NFATC3: variants seen among roughly 807,000 people sequenced by gnomAD.
NFATC3 encodes nuclear factor of activated T-cells, cytoplasmic 3.
Under a neutral mutation model 98.6 loss-of-function variants are expected in NFATC3, and 46 were observed. The ratio of observed to expected loss-of-function variants is 0.47; its 90% CI spans 0.37 to 0.60. The LOEUF is 0.60. Ranked by LOEUF, NFATC3 falls within the 20% of genes least tolerant of loss-of-function variation. The probability of loss-of-function intolerance (pLI) is 0.00; values close to 1 mark genes in which losing one functional copy is unlikely to be tolerated. For synonymous variants in NFATC3, 512 were observed against 472.2 expected, an observed-to-expected ratio of 1.08 and a Z score of -1.09; for missense variants, 1,256 against 1,295.5, an observed-to-expected ratio of 0.97 and a Z score of 0.47.
At chr16:68,204,764 TC>T (rs1283493203) in intron 9 of NFATC3, among the ~76,000 whole-genome samples, 1 of 152,220 alleles carries the variant, frequency 6.6e-6, no homozygotes, top group East Asian at 1.9e-4. Context: ...AAAATTGATA[TC>T]CTTTTTTTGA....
At chr16:68,171,919 G>A (rs963679225) in intron 5 of NFATC3, among the ~76,000 whole-genome samples, 1 of 152,072 alleles carries the variant, frequency 6.6e-6, no homozygotes, top group Non-Finnish European at 1.5e-5. Flanking sequence ...CTCCAGAGTA[G>A]CCAGGATTAC....
In NFATC3 at chr16:68,174,485, C is replaced by A; in HGVS notation, c.1886C>A (p.Ser629Tyr). 6.2e-7 allele frequency: 1 copy of A among 1,601,356 alleles called. No individual in the cohort carries two copies. The highest frequency in any genetic ancestry group is 8.5e-7 in the Non-Finnish European group (1 of 1,174,738). Reference protein sequence around the residue: ...VVTGSNFLPESKIIFLEKGQD... With the variant: ...VVTGSNFLPEYKIIFLEKGQD... The stretch of plus-strand genomic sequence containing the variant: ...ACTGGATCTAATTTTCTTCCAGAAT[C>A]CAAAATCATTTTTCTTGAAAAAGGA... Residue 629 changes from serine (S) to tyrosine (Y), a missense_variant, in exon 6 of 10, where the codon TCC becomes TAC. This residue lies in a region of NFATC3 where 636 missense variants were observed against 617.3 expected (regional missense o/e 1.03). Transcript: ENST00000346183.
At chr16:68,187,711 T>C (rs1194747051) in intron 8 of NFATC3, among the ~76,000 whole-genome samples, 2 of 152,078 alleles carry the variant, frequency 1.3e-5, no homozygotes, top group Non-Finnish European at 2.9e-5. Context: ...GTTTTCTCTT[T>C]TTGAGTATGG....
chr16:68,124,006 A>G (rs1432453571), intron 2 of NFATC3, among the ~76,000 whole-genome samples: 1 of 152,088 alleles, frequency 6.6e-6, no homozygotes, highest in Non-Finnish European at 1.5e-5. Context: ...AAAAAAAAAA[A>G]GAACCTATTA....
chr16:68,193,718 G>A (rs1447789761), intron 9 of NFATC3, among the ~76,000 whole-genome samples: 1 of 152,058 alleles, frequency 6.6e-6, no homozygotes, highest in Non-Finnish European at 1.5e-5. Context: ...TCACATTCGA[G>A]AATATTCTTT....
chr16:68,101,267 T>C (rs2035339931), intron 1 of NFATC3, among the ~76,000 whole-genome samples: 1 of 151,412 alleles, frequency 6.6e-6, no homozygotes, highest in Admixed American at 6.6e-5. Context: ...CCTGAGCCTC[T>C]GTAATAGCTG....
chr16:68,110,295 G>A (rs941740559), intron 1 of NFATC3, among the ~76,000 whole-genome samples: 9 of 150,874 alleles, frequency 6.0e-5, no homozygotes, highest in African/African-American at 1.7e-4. Flanking sequence ...GTGAGCCACC[G>A]TGCCTGGCCT....
chr16:68,090,434 T>C (rs972640112), intron 1 of NFATC3, among the ~76,000 whole-genome samples: 2 of 151,914 alleles, frequency 1.3e-5, no homozygotes, highest in Admixed American at 6.6e-5. Context: ...TAGTAGGGCA[T>C]TTACAAACAG....
chr16:68,209,072 A>G (rs997047016), intron 9 of NFATC3, among the ~76,000 whole-genome samples: 5 of 152,022 alleles, frequency 3.3e-5, no homozygotes, highest in Non-Finnish European at 7.4e-5. Flanking sequence ...TTTGTTTGTG[A>G]TCTTAGGGGG....
At chr16:68,094,083 C>T (rs944081443) in intron 1 of NFATC3, among the ~76,000 whole-genome samples, 6 of 152,138 alleles carry the variant, frequency 3.9e-5, no homozygotes, top group African/African-American at 2.4e-5. Context: ...ATCGCTATAT[C>T]GCTAACTGTG....
chr16:68,178,851 A>G (rs1311850254), intron 6 of NFATC3, among the ~76,000 whole-genome samples: 5 of 152,220 alleles, frequency 3.3e-5, no homozygotes, highest in Non-Finnish European at 7.3e-5. Context: ...ATCATGTTAA[A>G]TGGTGGCAGT....
chr16:68,213,304 A>G (rs1051416832), intron 9 of NFATC3, among the ~76,000 whole-genome samples: 1 of 151,336 alleles, frequency 6.6e-6, no homozygotes, highest in African/African-American at 2.4e-5. Context: ...GGTCCCAGGT[A>G]CTCAGGAGGC....
At chr16:68,173,082 C>A (rs930072843) in intron 5 of NFATC3, among the ~76,000 whole-genome samples, 1 of 151,496 alleles carries the variant, frequency 6.6e-6, no homozygotes, top group Middle Eastern at 3.4e-3. Flanking sequence ...CAAAGTGAGA[C>A]CCTATCTCTA....
intron 9 of NFATC3, chr16:68,214,269 A>C: frequency 7.7e-7 from 1 of 1,293,320 alleles, no homozygotes. Context: ...GCACTGTAGT[A>C]GATTAAGTTC....
intron 4 of NFATC3, among the ~76,000 whole-genome samples, chr16:68,161,523 AAC>A (rs1215391037): frequency 6.6e-5 from 10 of 152,234 alleles, no homozygotes; most frequent in South Asian, 2.1e-4. Context: ...TGCACACACA[AAC>A]ACAGTCCTTT....
At chr16:68,104,412 G>T (rs954797107) in intron 1 of NFATC3, among the ~76,000 whole-genome samples, 4 of 152,092 alleles carry the variant, frequency 2.6e-5, no homozygotes, top group Non-Finnish European at 5.9e-5. Flanking sequence ...ATTAGCTGTA[G>T]TTTTTTGTAG....
intron 9 of NFATC3, 117 bp from the exon 10 acceptor site, chr16:68,226,233 C>G: frequency 7.7e-7 from 1 of 1,294,274 alleles, no homozygotes; most frequent in East Asian, 2.8e-5. Context: ...CAGACACTGC[C>G]TTTATCTTTA....
At chr16:68,138,871 G>A (rs1294115252) in intron 3 of NFATC3, 2 of 1,018,788 alleles carry the variant, frequency 2.0e-6, no homozygotes, top group Non-Finnish European at 2.5e-6. Context: ...TCTAGAGCCA[G>A]ACTGTTTTGG....
At chr16:68,138,653 AT>A in intron 3 of NFATC3, 2 of 1,288,810 alleles carry the variant, frequency 1.6e-6, no homozygotes, top group Non-Finnish European at 2.0e-6. Flanking sequence ...ACCACTTACA[AT>A]TTTTTGGCTA....
Sources: allele counts gnomAD v4.1 joint callset (sites outside exome capture counted in the v4.1 genomes callset), GRCh38; gene constraint gnomAD v4.1.1; regional missense constraint gnomAD v4.1.1; transcripts MANE v1.5; gene names NCBI Gene and HGNC (gene_info 2026-07-23, HGNC 2026-07-21).